The following FANCC variants were observed in gnomAD, a reference collection of about 807,000 sequenced individuals.
FANCC encodes the protein FA complementation group C.
A neutral mutation model predicts 71.3 loss-of-function variants in FANCC; 55 were observed. That is an observed-to-expected ratio of 0.77 (90% CI 0.62 to 0.97). The LOEUF (loss-of-function observed/expected upper bound fraction) is 0.97, where lower values mean the gene tolerates loss of function less well. Among genes scored for constraint, FANCC ranks in the 50% least tolerant of loss-of-function variants. The pLI, the probability that FANCC is intolerant of heterozygous loss-of-function variation, is 0.00. For synonymous variants in FANCC, 275 were observed against 244.9 expected (o/e 1.12, Z -1.15); for missense variants, 678 against 670.9 (o/e 1.01, Z -0.12).
chr9:95,158,715 C>A (rs1344742396), intron 6 of FANCC, among the ~76,000 whole-genome samples: 2 of 151,942 alleles, frequency 1.3e-5, no homozygotes, highest in Non-Finnish European at 2.9e-5. Context: ...TGTAGAGCAG[C>A]ATTTCTTGAA....
At chr9:95,297,817 T>G (rs1323660230) in intron 1 of FANCC, among the ~76,000 whole-genome samples, 1 of 152,208 alleles carries the variant, frequency 6.6e-6, no homozygotes, top group Non-Finnish European at 1.5e-5. Flanking sequence ...AATTTCTCGC[T>G]TCTCACAAGA....
Position 95,158,587 on chromosome 9 carries a change from T to C in FANCC, c.522-8500A>G, listed in dbSNP as rs187966088. Reference sequence around the variant, plus strand: ...ATACAGCAAAAATATTAACAATTTATAGGAATTCATCAACAAAAATAAAAA... The same window carrying C: ...ATACAGCAAAAATATTAACAATTTACAGGAATTCATCAACAAAAATAAAAA... On this transcript the variant is annotated intron_variant, in intron 6 of 14. Transcript: ENST00000289081. Among the ~76,000 whole-genome samples the C allele has an allele frequency of 9.8e-3, 1,494 of 152,346 alleles. 16 individuals carry two copies. Among genetic ancestry groups the C allele is most frequent in the Non-Finnish European group, 0.013 (871 of 68,040 alleles).
intron 4 of FANCC, among the ~76,000 whole-genome samples, chr9:95,230,040 T>C (rs1829903992): frequency 6.6e-6 from 1 of 152,206 alleles, no homozygotes; most frequent in Non-Finnish European, 1.5e-5. Context: ...CGGAATATAA[T>C]GTCTGAAAAG....
intron 4 of FANCC, among the ~76,000 whole-genome samples, chr9:95,226,549 G>A (rs919397106): frequency 6.6e-6 from 1 of 152,192 alleles, no homozygotes; most frequent in Non-Finnish European, 1.5e-5. Context: ...GGGATGCGCT[G>A]TCTCCTGCTC....
intron 6 of FANCC, among the ~76,000 whole-genome samples, chr9:95,169,264 T>A (rs1426063125): frequency 6.6e-6 from 1 of 152,202 alleles, no homozygotes; most frequent in East Asian, 1.9e-4. Flanking sequence ...GCATCTCACA[T>A]GGCAAAAATT....
intron 1 of FANCC, among the ~76,000 whole-genome samples, chr9:95,281,482 G>A (rs984571133): frequency 7.9e-5 from 12 of 151,998 alleles, no homozygotes; most frequent in African/African-American, 2.4e-4. Context: ...ACTTCTGGAC[G>A]ACAAAAGCTG....
intron 1 of FANCC, among the ~76,000 whole-genome samples, chr9:95,270,286 G>A (rs1286640465): frequency 1.3e-5 from 2 of 151,988 alleles, no homozygotes; most frequent in African/African-American, 2.4e-5. Context: ...ATCCAGTACC[G>A]GTCAGGGACC....
intron 4 of FANCC, among the ~76,000 whole-genome samples, chr9:95,222,289 T>C (rs561610628): frequency 1.6e-4 from 24 of 151,944 alleles, no homozygotes; most frequent in South Asian, 8.3e-4. Flanking sequence ...CAACATACCA[T>C]TGGAACATTC....
At chr9:95,118,326 G>C (rs1272078129) in intron 10 of FANCC, among the ~76,000 whole-genome samples, 1 of 152,210 alleles carries the variant, frequency 6.6e-6, no homozygotes, top group Non-Finnish European at 1.5e-5. Context: ...GCTCAGCATG[G>C]TTTTTAAAAT....
chr9:95,205,894 C>T lies in FANCC; in HGVS notation c.346-33747G>A, dbSNP rs10993488. On this transcript the variant is annotated intron_variant, in intron 4 of 14. Transcript: ENST00000289081. ...TCAAACAAACATCAAAGGAAACAAG[C>T]GGTAAAAGTTAAATTTTAAAAAAAT... Among the ~76,000 whole-genome samples the T allele has an allele frequency of 2.5e-3, 385 of 151,944 alleles. 2 individuals carry two copies. The highest frequency in any genetic ancestry group is 3.4e-3 in the Middle Eastern group (1 of 294).
At chr9:95,258,908 A>G (rs1425443459) in intron 1 of FANCC, among the ~76,000 whole-genome samples, 1 of 152,216 alleles carries the variant, frequency 6.6e-6, no homozygotes, top group African/African-American at 2.4e-5. Flanking sequence ...AGACAAACAG[A>G]GAGCCAAATC....
chr9:95,295,087 A>G (rs1834287031), intron 1 of FANCC, among the ~76,000 whole-genome samples: 1 of 152,228 alleles, frequency 6.6e-6, no homozygotes, highest in South Asian at 2.1e-4. Context: ...AGAAGAAAAC[A>G]TAGAGAAAAT....
At chr9:95,161,093 C>T (rs912280265) in intron 6 of FANCC, among the ~76,000 whole-genome samples, 1 of 152,058 alleles carries the variant, frequency 6.6e-6, no homozygotes, top group Non-Finnish European at 1.5e-5. Context: ...TACCACAGCC[C>T]TAAAAGCTTG....
chr9:95,128,126 T>A (rs1210198859), intron 8 of FANCC, among the ~76,000 whole-genome samples: 1 of 152,166 alleles, frequency 6.6e-6, no homozygotes, highest in African/African-American at 2.4e-5. Context: ...TGTCAGTTAA[T>A]CTCCTGATGC....
At chr9:95,236,336 C>T (rs1830317748) in intron 4 of FANCC, among the ~76,000 whole-genome samples, 1 of 152,148 alleles carries the variant, frequency 6.6e-6, no homozygotes. Context: ...TTGTGCCTGG[C>T]AAACAGTAGG....
At chr9:95,291,968 ATAT>A (rs1295448450) in intron 1 of FANCC, among the ~76,000 whole-genome samples, 2,453 of 52,490 alleles carry the variant, frequency 0.047, 79 homozygotes, top group African/African-American at 0.074. Context: ...AAAAAAAAAA[ATAT>A]ATATATATAT....
chr9:95,230,507 T>C (rs1021166944), intron 4 of FANCC, among the ~76,000 whole-genome samples: 2 of 152,200 alleles, frequency 1.3e-5, no homozygotes, highest in Non-Finnish European at 1.5e-5. Flanking sequence ...CCGCGGACTC[T>C]CGCAGTGAGT....
chr9:95,258,175 C>A (rs985506962), intron 1 of FANCC, among the ~76,000 whole-genome samples: 1 of 152,336 alleles, frequency 6.6e-6, no homozygotes, highest in East Asian at 1.9e-4. Flanking sequence ...AGGGACTCTT[C>A]CCTAACTCAT....
chr9:95,232,101 G>A (rs774542549), intron 4 of FANCC, among the ~76,000 whole-genome samples: 1 of 152,200 alleles, frequency 6.6e-6, no homozygotes, highest in Non-Finnish European at 1.5e-5. Flanking sequence ...TACAATCATG[G>A]TGGAAGGTGA....
Sources: gnomAD v4.1 joint callset for allele counts (sites outside exome capture counted in the v4.1 genomes callset) on GRCh38, gnomAD v4.1.1 for gene constraint, MANE v1.5 for transcripts, NCBI Gene and HGNC (gene_info 2026-07-23, HGNC 2026-07-21) for gene names.